Variants in KCND2 observed in about 807,000 individuals in gnomAD.
KCND2 encodes the protein A-type voltage-gated potassium channel KCND2.
Under a neutral mutation model 54.4 loss-of-function variants are expected in KCND2, and 16 were observed. That is an observed-to-expected ratio of 0.29 (90% CI 0.20 to 0.45). The LOEUF is 0.45. Ranked by LOEUF, KCND2 falls within the 20% of genes least tolerant of loss-of-function variation. The pLI is 1.00. For synonymous variants in KCND2, 317 were observed against 310.7 expected (o/e 1.02, Z -0.21); for missense variants, 486 against 824.2 (o/e 0.59, Z 5.02).
chr7:120,505,994 C>T (rs1346499632), intron 1 of KCND2, among the ~76,000 whole-genome samples: 1 of 151,452 alleles, frequency 6.6e-6, no homozygotes, highest in East Asian at 1.9e-4. Context: ...ATTAATAAAA[C>T]AATTTTAAAA....
chr7:120,400,958 T>C (rs1801243319), intron 1 of KCND2, among the ~76,000 whole-genome samples: 1 of 148,120 alleles, frequency 6.8e-6, no homozygotes, highest in Admixed American at 6.8e-5. Context: ...GCATGTACTA[T>C]TAAAAAAAAA....
chr7:120,722,384 AC>A (rs1792679270), intron 1 of KCND2, among the ~76,000 whole-genome samples: 1 of 152,096 alleles, frequency 6.6e-6, no homozygotes, highest in East Asian at 1.9e-4. Flanking sequence ...GCATGGCCAG[AC>A]CCGCCAGGAG....
Position 120,362,057 on chromosome 7 carries a change from T to C in KCND2, c.1115+86310T>C, listed in dbSNP as rs927132969. Among the ~76,000 whole-genome samples the C allele has an allele frequency of 3.3e-5, 5 of 152,122 alleles. No homozygotes were observed. In the South Asian group the frequency reaches 8.3e-4, roughly 25 times the overall value. On this transcript the variant is annotated intron_variant, in intron 1 of 5. Transcript: ENST00000331113. Reference sequence around the variant, plus strand: ...ATTTTCTATAGCTAGGAAGTTATAATTAAAGCTATTTCACCTTACCTACCT... The same window carrying C: ...ATTTTCTATAGCTAGGAAGTTATAACTAAAGCTATTTCACCTTACCTACCT...
chr7:120,724,259 C>T (rs1387162923), intron 1 of KCND2, among the ~76,000 whole-genome samples: 1 of 152,154 alleles, frequency 6.6e-6, no homozygotes, highest in Non-Finnish European at 1.5e-5. Context: ...AAATCTAATT[C>T]TACTCTCTCA....
chr7:120,327,002 G>A (rs1172301647), intron 1 of KCND2, among the ~76,000 whole-genome samples: 5 of 151,880 alleles, frequency 3.3e-5, no homozygotes, highest in Admixed American at 2.0e-4. Context: ...CAATTGTTAA[G>A]TGATGAGGAA....
chr7:120,529,704 C>T (rs1319759171), intron 1 of KCND2, among the ~76,000 whole-genome samples: 1 of 152,150 alleles, frequency 6.6e-6, no homozygotes, highest in Admixed American at 6.6e-5. Flanking sequence ...AGAGTACACT[C>T]CTATGCTCTA....
chr7:120,668,889 T>G (rs1202313155), intron 1 of KCND2, among the ~76,000 whole-genome samples: 1 of 152,056 alleles, frequency 6.6e-6, no homozygotes, highest in African/African-American at 2.4e-5. Context: ...TTAGCATTTT[T>G]CTTTGTTATC....
chr7:120,476,880 T>C (rs1802541828), intron 1 of KCND2, among the ~76,000 whole-genome samples: 1 of 152,196 alleles, frequency 6.6e-6, no homozygotes, highest in Admixed American at 6.5e-5. Flanking sequence ...AGCATCACAA[T>C]TGACTCTAAG....
intron 1 of KCND2, among the ~76,000 whole-genome samples, chr7:120,364,482 T>A (rs1483338999): frequency 6.6e-6 from 1 of 152,110 alleles, no homozygotes; most frequent in Non-Finnish European, 1.5e-5. Context: ...AGATAAAATA[T>A]CCAGTGGTAC....
At chr7:120,471,114 A>G (rs1326670480) in intron 1 of KCND2, among the ~76,000 whole-genome samples, 1 of 152,098 alleles carries the variant, frequency 6.6e-6, no homozygotes, top group Admixed American at 6.6e-5. Flanking sequence ...TAGGCAAACT[A>G]TACTTAACTA....
At chr7:120,615,513 G>C (rs182802859) in intron 1 of KCND2, among the ~76,000 whole-genome samples, 2 of 152,192 alleles carry the variant, frequency 1.3e-5, no homozygotes, top group South Asian at 2.1e-4. Context: ...TTCATTCCAA[G>C]GCAATATGCC....
chr7:120,616,343 T>C (rs1372037982), intron 1 of KCND2, among the ~76,000 whole-genome samples: 1 of 152,192 alleles, frequency 6.6e-6, no homozygotes, highest in Non-Finnish European at 1.5e-5. Flanking sequence ...AGGTAACACA[T>C]ATAAAGGTTT....
At chr7:120,737,620 T>C (rs894042381) in intron 2 of KCND2, among the ~76,000 whole-genome samples, 1 of 152,108 alleles carries the variant, frequency 6.6e-6, no homozygotes, top group African/African-American at 2.4e-5. Flanking sequence ...ACTTGTCTCA[T>C]TTCTAGCACA....
intron 4 of KCND2, among the ~76,000 whole-genome samples, chr7:120,743,422 A>G (rs1317015490): frequency 6.6e-6 from 1 of 152,180 alleles, no homozygotes; most frequent in African/African-American, 2.4e-5. Context: ...AGTGAGCCAG[A>G]CCCAAGAAAC....
At chr7:120,400,874 T>G (rs2116079806) in intron 1 of KCND2, among the ~76,000 whole-genome samples, 1 of 152,138 alleles carries the variant, frequency 6.6e-6, no homozygotes, top group South Asian at 2.1e-4. Context: ...TTGATTCAGA[T>G]AACCTTTAGC....
chr7:120,534,538 G>A (rs1791879303), intron 1 of KCND2, among the ~76,000 whole-genome samples: 1 of 152,106 alleles, frequency 6.6e-6, no homozygotes, highest in South Asian at 2.1e-4. Flanking sequence ...AATGAAAGGT[G>A]GTGTCCTGAG....
chr7:120,673,040 C>G (rs1394534141), intron 1 of KCND2: 1 of 152,008 alleles, frequency 6.6e-6, no homozygotes, highest in Non-Finnish European at 1.5e-5. Flanking sequence ...TCTGAACACA[C>G]AGAGAGACAA....
intron 1 of KCND2, among the ~76,000 whole-genome samples, chr7:120,730,185 G>A (rs1792787104): frequency 1.3e-5 from 2 of 152,086 alleles, no homozygotes; most frequent in Admixed American, 1.3e-4. Context: ...AAATAATTGA[G>A]TTTTTATTAA....
intron 1 of KCND2, among the ~76,000 whole-genome samples, chr7:120,638,311 T>C (rs767527756): frequency 3.9e-5 from 6 of 152,144 alleles, no homozygotes; most frequent in Non-Finnish European, 7.4e-5. Context: ...ACTGATTTAG[T>C]ATCTGTAAGG....
Sources: allele counts gnomAD v4.1 joint callset (sites outside exome capture counted in the v4.1 genomes callset), GRCh38; gene constraint gnomAD v4.1.1; transcripts MANE v1.5; gene names NCBI Gene and HGNC (gene_info 2026-07-23, HGNC 2026-07-21).